The following DOCK4 variants were observed in gnomAD, a reference collection of about 807,000 sequenced individuals.
DOCK4 encodes dedicator of cytokinesis protein 4.
A neutral mutation model predicts 268.1 loss-of-function variants in DOCK4; 97 were observed. The ratio of observed to expected loss-of-function variants is 0.36; its 90% confidence interval spans 0.31 to 0.43. DOCK4 has a LOEUF of 0.43. Among genes scored for constraint, DOCK4 ranks in the 20% least tolerant of loss-of-function variants. The pLI, the probability that DOCK4 is intolerant of heterozygous loss-of-function variation, is 1.00. For missense variants in DOCK4, 2,145 were observed against 2,455.7 expected (o/e 0.87, Z 2.67); for synonymous variants, 954 against 887.2 (o/e 1.08, Z -1.34).
At chr7:112,136,867 GC>G (rs2116213163) in intron 1 of DOCK4, among the ~76,000 whole-genome samples, 1 of 152,282 alleles carries the variant, frequency 6.6e-6, no homozygotes, top group Non-Finnish European at 1.5e-5. Flanking sequence ...TGTGCTAGGA[GC>G]TTTTATTTAT....
At chr7:111,961,574 T>A (rs1796899252) in intron 8 of DOCK4, among the ~76,000 whole-genome samples, 4 of 152,230 alleles carry the variant, frequency 2.6e-5, no homozygotes, top group Admixed American at 2.6e-4. Flanking sequence ...CAAAAATCCT[T>A]TAAGGATTTA....
chr7:112,009,497 T>C (rs182045548), intron 1 of DOCK4, among the ~76,000 whole-genome samples: 76 of 152,340 alleles, frequency 5.0e-4, no homozygotes, highest in Admixed American at 1.4e-3. Flanking sequence ...TTGTAAAATA[T>C]TGAACACTGG....
At chr7:111,854,186 A>C (rs1229117175) in intron 23 of DOCK4, among the ~76,000 whole-genome samples, 1 of 152,240 alleles carries the variant, frequency 6.6e-6, no homozygotes, top group African/African-American at 2.4e-5. Context: ...ATGAAAATTA[A>C]AAGGCAGAAA....
At chr7:111,901,241 C>T (rs995497046) in intron 14 of DOCK4, among the ~76,000 whole-genome samples, 4 of 142,750 alleles carry the variant, frequency 2.8e-5, no homozygotes, top group South Asian at 2.2e-4. Context: ...GGCTGGGGTA[C>T]GAGAATTGCT....
At chr7:111,788,887 C>A in intron 31 of DOCK4, 140 bp from the exon 32 acceptor site, 1 of 724,008 alleles carries the variant, frequency 1.4e-6, no homozygotes, top group Non-Finnish European at 2.4e-6. Context: ...CGGTTAATAG[C>A]AGGCAACCCT....
chr7:112,147,765 C>T (rs1439328090), intron 1 of DOCK4, among the ~76,000 whole-genome samples: 6 of 147,374 alleles, frequency 4.1e-5, no homozygotes, highest in East Asian at 2.0e-4. Context: ...TCCTTAACTA[C>T]ACAGGAACAA....
intron 1 of DOCK4, among the ~76,000 whole-genome samples, chr7:112,033,860 A>T (rs1803498504): frequency 6.6e-6 from 1 of 152,178 alleles, no homozygotes; most frequent in Non-Finnish European, 1.5e-5. Context: ...AAACCACATC[A>T]TCATTAATGT....
chr7:112,012,113 G>T (rs112461407), intron 1 of DOCK4, among the ~76,000 whole-genome samples: 1,541 of 152,082 alleles, frequency 0.01, 16 homozygotes, highest in Middle Eastern at 0.037. Flanking sequence ...TGAAATAATA[G>T]AATTTTTTCA....
intron 1 of DOCK4, among the ~76,000 whole-genome samples, chr7:112,107,115 C>A (rs894122259): frequency 1.3e-5 from 2 of 152,090 alleles, no homozygotes; most frequent in African/African-American, 4.8e-5. Context: ...ACTTAATAAG[C>A]CCATCTGTAT....
At chr7:111,944,605 C>T (rs1795471257) in intron 10 of DOCK4, among the ~76,000 whole-genome samples, 2 of 152,048 alleles carry the variant, frequency 1.3e-5, no homozygotes, top group Admixed American at 1.3e-4. Context: ...TAAAAGAGAC[C>T]AGAATCTGTT....
At chr7:111,884,214 G>T (rs1284807634) in intron 16 of DOCK4, among the ~76,000 whole-genome samples, 1 of 152,180 alleles carries the variant, frequency 6.6e-6, no homozygotes, top group African/African-American at 2.4e-5. Context: ...AAATACTGGA[G>T]ATTTTTAAGG....
chr7:112,205,475 C>T (rs1028540389), intron 1 of DOCK4, among the ~76,000 whole-genome samples: 1 of 152,098 alleles, frequency 6.6e-6, no homozygotes, highest in African/African-American at 2.4e-5. Flanking sequence ...TTTACCAATG[C>T]CCCCGCCCCG....
chr7:111,805,453 A>C (rs1800604506), intron 30 of DOCK4, among the ~76,000 whole-genome samples: 1 of 152,214 alleles, frequency 6.6e-6, no homozygotes, highest in Non-Finnish European at 1.5e-5. Context: ...ATGTAATTTT[A>C]GAATTATAAA....
intron 1 of DOCK4, among the ~76,000 whole-genome samples, chr7:112,157,133 T>A (rs984706422): frequency 2.6e-5 from 4 of 152,144 alleles, no homozygotes; most frequent in Admixed American, 2.6e-4. Flanking sequence ...AATTTTTTTT[T>A]AATTATTCAC....
chr7:111,897,924 C>T (rs771770729), intron 15 of DOCK4, among the ~76,000 whole-genome samples: 5 of 152,184 alleles, frequency 3.3e-5, no homozygotes, highest in Non-Finnish European at 7.3e-5. Context: ...CTGGACTTTT[C>T]TCCTTCTTTC....
chr7:112,205,907 G>C (rs908462118), intron 1 of DOCK4, among the ~76,000 whole-genome samples, 195 bp downstream of exon 1: 12 of 152,138 alleles, frequency 7.9e-5, no homozygotes, highest in Non-Finnish European at 7.4e-5. Context: ...GGCGCGCCGA[G>C]CAGGCGGTGC....
intron 52 of DOCK4, 83 bp from the exon 53 acceptor site, chr7:111,728,803 G>C: frequency 7.3e-7 from 1 of 1,370,138 alleles, no homozygotes. Flanking sequence ...CCCCGACGCG[G>C]AGGCCCCGGC....
At chr7:112,124,215 C>A (rs1338780822) in intron 1 of DOCK4, among the ~76,000 whole-genome samples, 3 of 151,904 alleles carry the variant, frequency 2.0e-5, no homozygotes, top group Non-Finnish European at 4.4e-5. Context: ...GAGACGAGAT[C>A]CTGTTTTGTC....
chr7:111,948,530 C>T (rs1286939967), intron 8 of DOCK4, among the ~76,000 whole-genome samples: 2 of 152,206 alleles, frequency 1.3e-5, no homozygotes, highest in East Asian at 3.9e-4. Flanking sequence ...GGTGAGAATC[C>T]TGATTTAGCA....
Sources: gnomAD v4.1 joint callset for allele counts (sites outside exome capture counted in the v4.1 genomes callset) on GRCh38, gnomAD v4.1.1 for gene constraint, MANE v1.5 for transcripts, NCBI Gene and HGNC (gene_info 2026-07-23, HGNC 2026-07-21) for gene names.